ARHGAP21: variants seen among roughly 807,000 people sequenced by gnomAD.
The protein encoded by ARHGAP21 is Rho GTPase activating protein 21, also known as rho GTPase-activating protein 21.
A neutral mutation model predicts 164.6 loss-of-function variants in ARHGAP21; 38 were observed. The ratio of observed to expected loss-of-function variants is 0.23; its 90% CI spans 0.18 to 0.30. The LOEUF is 0.30. ARHGAP21 is among the 10% of genes least tolerant of loss of function. The pLI is 1.00. For missense variants in ARHGAP21, 1,822 were observed against 2,370.7 expected, an observed-to-expected ratio of 0.77 and a Z score of 4.81; for synonymous variants, 766 against 857.9, an observed-to-expected ratio of 0.89 and a Z score of 1.87.
intron 4 of ARHGAP21, among the ~76,000 whole-genome samples, chr10:24,652,968 C>T (rs1235229204): frequency 1.3e-5 from 2 of 152,170 alleles, no homozygotes; most frequent in African/African-American, 2.4e-5. Context: ...CAAGAATACT[C>T]ATAGCTGCAT....
At position 24,694,820 on chromosome 10, in the gene ARHGAP21, G is replaced by C. The variant is rs191282285; in HGVS notation, c.64-24423C>G. Among the ~76,000 whole-genome samples, 717 of 152,220 alleles carry C rather than the reference G, an allele frequency of 4.7e-3. 29 individuals are homozygous for C. Among genetic ancestry groups the C allele is most frequent in the Non-Finnish European group, 1.2e-3 (81 of 68,012 alleles). ...TAATCCCAGCACTTTGGGAGGCTGA[G>C]GCAGACAGATCACCTGAGCTCAGGA... On this transcript the variant is annotated intron_variant, in intron 2 of 25. Coordinates refer to ENST00000396432, the MANE Select transcript of ARHGAP21 (RefSeq NM_020824.4).
chr10:24,646,927 C>T (rs1837628061), intron 4 of ARHGAP21, among the ~76,000 whole-genome samples: 1 of 152,006 alleles, frequency 6.6e-6, no homozygotes, highest in African/African-American at 2.4e-5. Context: ...TCTAGAGTAA[C>T]ATTTCTATAA....
intron 9 of ARHGAP21, among the ~76,000 whole-genome samples, chr10:24,613,319 T>C (rs549115456): frequency 6.6e-6 from 1 of 152,314 alleles, no homozygotes; most frequent in African/African-American, 2.4e-5. Flanking sequence ...TCACTAATTA[T>C]AAATAAAAAT....
intron 2 of ARHGAP21, among the ~76,000 whole-genome samples, chr10:24,700,136 T>G (rs76904077): frequency 2.0e-5 from 3 of 152,280 alleles, no homozygotes; most frequent in East Asian, 3.9e-4. Context: ...TTAATTCCCG[T>G]CCCCTTGCTC....
At chr10:24,608,778 TA>T (rs5783899) in intron 9 of ARHGAP21, among the ~76,000 whole-genome samples, 68,127 of 151,958 alleles carry the variant, frequency 0.45, 15,926 homozygotes, top group Middle Eastern at 0.54. Context: ...CAACTTTCTT[TA>T]AAAGCAGCTC....
At chr10:24,718,161 C>T (rs1845578045) in intron 2 of ARHGAP21, among the ~76,000 whole-genome samples, 1 of 151,666 alleles carries the variant, frequency 6.6e-6, no homozygotes, top group Non-Finnish European at 1.5e-5. Context: ...TGAGGAATGA[C>T]GAGACGGAAG....
chr10:24,651,809 A>G (rs1838192822), intron 4 of ARHGAP21, among the ~76,000 whole-genome samples: 1 of 152,346 alleles, frequency 6.6e-6, no homozygotes, highest in African/African-American at 2.4e-5. Context: ...AAAAGATTCC[A>G]TATTTCAAAT....
chr10:24,699,632 A>G (rs1044945416), intron 2 of ARHGAP21, among the ~76,000 whole-genome samples: 4 of 151,998 alleles, frequency 2.6e-5, no homozygotes, highest in Non-Finnish European at 4.4e-5. Context: ...GCCTAGAATT[A>G]CTAGTTTTAA....
chr10:24,708,750 A>G (rs541740440), intron 2 of ARHGAP21, among the ~76,000 whole-genome samples: 2 of 152,334 alleles, frequency 1.3e-5, no homozygotes, highest in South Asian at 4.1e-4. Context: ...GCTGCAAAAG[A>G]TATAATTTCA....
chr10:24,587,853 T>C (rs560145221), intron 25 of ARHGAP21, among the ~76,000 whole-genome samples: 58 of 152,338 alleles, frequency 3.8e-4, no homozygotes, highest in Admixed American at 2.3e-3. Context: ...CAGAGACTGT[T>C]TGTTAGAAGT....
intron 2 of ARHGAP21, among the ~76,000 whole-genome samples, chr10:24,685,487 T>C (rs1196681730): frequency 1.3e-5 from 2 of 152,350 alleles, no homozygotes; most frequent in East Asian, 3.9e-4. Flanking sequence ...TGCTGTTAAC[T>C]TCCCAAAGAG....
intron 4 of ARHGAP21, among the ~76,000 whole-genome samples, chr10:24,654,147 A>C (rs1195983427): frequency 6.6e-6 from 1 of 152,226 alleles, no homozygotes; most frequent in Non-Finnish European, 1.5e-5. Flanking sequence ...AGAGCTATTT[A>C]TGACAAACCC....
chr10:24,591,853 A>G (rs2076346020), intron 22 of ARHGAP21, 34 bp downstream of exon 22: 1 of 1,597,878 alleles, frequency 6.3e-7, no homozygotes, highest in Non-Finnish European at 8.5e-7. Context: ...GCAGAGATGA[A>G]GCATGAACTT....
rs901265529 is a variant in ARHGAP21 at position 24,590,940 on chromosome 10, TAAAA to T, written c.4150+281_4150+284del. On this transcript the variant is annotated intron_variant, in intron 24 of 25. Coordinates refer to ENST00000396432, the MANE Select transcript of ARHGAP21 (RefSeq NM_020824.4). ...TGACTATTACATGGAAACTGTGAAT[TAAAA>T]AAAAAAAAAAAAAAAAGAACAAAAC... 2.6e-3 allele frequency: 1,927 copies of T among 735,292 alleles called. 1 individual carries two copies. Among genetic ancestry groups the T allele is most frequent in the Middle Eastern group, 3.5e-3 (5 of 1,444 alleles). 45.5% of individuals were successfully genotyped at this position (735,292 alleles called of 1,614,324 possible).
intron 17 of ARHGAP21, 70 bp downstream of exon 17, chr10:24,596,670 T>C: frequency 1.9e-6 from 3 of 1,598,314 alleles, no homozygotes; most frequent in Non-Finnish European, 2.6e-6. Context: ...AAAGGCTATA[T>C]ACTCAGATCC....
At position 24,621,315 on chromosome 10, in the gene ARHGAP21, G is replaced by A. The variant is rs780161529; in HGVS notation, c.580C>T (p.Arg194Cys). The A allele has an allele frequency of 1.6e-5, 25 of 1,610,616 alleles. No homozygotes were observed. Among genetic ancestry groups the A allele is most frequent in the East Asian group, 4.5e-5 (2 of 44,828 alleles). Residue 194 changes from arginine (R) to cysteine (C), a missense_variant, in exon 9 of 26, where the codon CGC (arginine) becomes TGC (cysteine). Physicochemically the swap from Arg to Cys is radical, Grantham distance 180 (BLOSUM62 -3). Transcript: ENST00000396432. Reference protein sequence around the residue: ...KGNEAYSGNARNIPEPPPICY... With the variant: ...KGNEAYSGNACNIPEPPPICY... ...ATTGGTGGAGGTTCAGGTATATTGC[G>A]GGCATTGCCGCTATAAGCTTCGTTG...
intron 11 of ARHGAP21, among the ~76,000 whole-genome samples, chr10:24,605,972 T>C (rs1299539821): frequency 6.6e-6 from 1 of 152,092 alleles, no homozygotes; most frequent in African/African-American, 2.4e-5. Context: ...ACTTAGTATA[T>C]AATAAAGATG....
At chr10:24,606,578 C>CAATT (rs1353689308) in intron 11 of ARHGAP21, among the ~76,000 whole-genome samples, 2 of 152,066 alleles carry the variant, frequency 1.3e-5, no homozygotes, top group African/African-American at 4.8e-5. Flanking sequence ...TTATGGACAG[C>CAATT]AATTAACAAT....
At chr10:24,689,666 G>A (rs1009374670) in intron 2 of ARHGAP21, among the ~76,000 whole-genome samples, 9 of 152,020 alleles carry the variant, frequency 5.9e-5, no homozygotes, top group East Asian at 5.8e-4. Context: ...ATCTGAGCCC[G>A]GAAGGTTGAG....
Sources: gnomAD v4.1 joint callset for allele counts (sites outside exome capture counted in the v4.1 genomes callset) on GRCh38, gnomAD v4.1.1 for gene constraint, MANE v1.5 for transcripts, NCBI Gene and HGNC (gene_info 2026-07-23, HGNC 2026-07-21) for gene names.